PRDX3: variants seen among roughly 807,000 people sequenced by gnomAD.
The protein encoded by PRDX3 is thioredoxin-dependent peroxide reductase, mitochondrial.
Under a neutral mutation model 30.4 loss-of-function variants are expected in PRDX3, and 20 were observed. The observed-to-expected ratio is 0.66, with a 90% CI of 0.46 to 0.96. The LOEUF is 0.96. Among genes scored for constraint, PRDX3 ranks in the 40% least tolerant of loss-of-function variants. The probability of loss-of-function intolerance (pLI) is 0.00; values close to 1 mark genes in which losing one functional copy is unlikely to be tolerated. For synonymous variants in PRDX3, 124 were observed against 117.8 expected (o/e 1.05, Z -0.34); for missense variants, 322 against 318.3 (o/e 1.01, Z -0.09).
rs1402951019 is a variant in PRDX3, at chr10:119,169,283, G to A, written c.611C>T (p.Pro204Leu). ...VIKHLSVNDL[P>L]VGRSVEETLR... ...GGTTTCTTCCACGCTTCGGCCCACT[G>A]GGAGATCGTTGACGCTCAAATGCTT... Residue 204 changes from proline (P) to leucine (L), a missense_variant, in exon 6 of 7, where the codon CCA becomes CTA. By Grantham distance (98) the Pro-to-Leu change is moderately conservative. Transcript: ENST00000298510. 4 of 1,614,048 alleles carry A rather than the reference G, an allele frequency of 2.5e-6. No homozygotes were observed. The highest frequency in any genetic ancestry group is 3.4e-6 in the Non-Finnish European group (4 of 1,180,008).
At chr10:119,172,652 G>A (rs759155870) in intron 4 of PRDX3, among the ~76,000 whole-genome samples, 167 bp from the exon 5 acceptor site, 15 of 152,154 alleles carry the variant, frequency 9.9e-5, no homozygotes, top group Non-Finnish European at 1.8e-4. Flanking sequence ...AACCACCCTG[G>A]AGAAGACACT....
At chr10:119,169,119 A>G in intron 6 of PRDX3, 58 bp downstream of exon 6, 2 of 1,575,614 alleles carry the variant, frequency 1.3e-6, no homozygotes, top group South Asian at 2.3e-5. Flanking sequence ...ATTTCAGGTC[A>G]ATAGCTCTCG....
At chr10:119,175,192 G>C (rs758580667) in intron 2 of PRDX3, among the ~76,000 whole-genome samples, 4 of 152,224 alleles carry the variant, frequency 2.6e-5, no homozygotes, top group Non-Finnish European at 5.9e-5. Flanking sequence ...TTCAGATTTT[G>C]TCAAGTCTAG....
intron 4 of PRDX3, among the ~76,000 whole-genome samples, 155 bp from the exon 5 acceptor site, chr10:119,172,640 G>A (rs571547097): frequency 6.6e-5 from 10 of 152,250 alleles, no homozygotes; most frequent in Admixed American, 5.9e-4. Flanking sequence ...CTGCCTCCTC[G>A]AAACCACCCT....
At chr10:119,169,516 T>C in intron 5 of PRDX3, 174 bp from the exon 6 acceptor site, 1 of 570,606 alleles carries the variant, frequency 1.8e-6, no homozygotes, top group South Asian at 2.3e-5. Context: ...CTCTTACTGA[T>C]GACAGATGCT....
intron 2 of PRDX3, among the ~76,000 whole-genome samples, chr10:119,175,635 T>G (rs1398678540): frequency 6.6e-6 from 1 of 152,048 alleles, no homozygotes; most frequent in Non-Finnish European, 1.5e-5. Context: ...GACCTCGTGA[T>G]CTGCCAGCCT....
intron 1 of PRDX3, 146 bp from the exon 2 acceptor site, chr10:119,177,299 G>T: frequency 1.3e-6 from 1 of 754,960 alleles, no homozygotes; most frequent in South Asian, 1.7e-5. Flanking sequence ...GATTGGATCT[G>T]CATGTTCTTA....
chr10:119,168,278 A>T lies in PRDX3; in HGVS notation c.*202T>A. The T allele has an allele frequency of 1.8e-6, 2 of 1,096,674 alleles. No homozygotes were observed. The highest frequency in any genetic ancestry group is 2.5e-6 in the Non-Finnish European group (2 of 805,448). The allele number at this position is 1,096,674 out of a possible 1,614,324, so 67.9% of individuals were successfully genotyped here. On this transcript the variant is annotated 3_prime_UTR_variant, in exon 7 of 7. Transcript: ENST00000298510. ...AGCCAGCCACCAAGATGTTACCAAT[A>T]AAGGATTCCTTGTACTAGCAACTAA...
intron 2 of PRDX3, 41 bp downstream of exon 2, chr10:119,176,980 T>C: frequency 3.1e-6 from 5 of 1,612,452 alleles, no homozygotes; most frequent in African/African-American, 2.7e-5. Flanking sequence ...GGTTCATTTT[T>C]CCTTTACCTG....
chr10:119,176,570 AG>A (rs1416785785), intron 2 of PRDX3, among the ~76,000 whole-genome samples: 4 of 152,232 alleles, frequency 2.6e-5, no homozygotes, highest in African/African-American at 9.6e-5. Context: ...AATTTCGCTC[AG>A]ATTACAGATA....
At chr10:119,172,359 G>A (rs1847924828) in intron 5 of PRDX3, 23 bp downstream of exon 5, 1 of 1,544,998 alleles carries the variant, frequency 6.5e-7, no homozygotes, top group Non-Finnish European at 9.0e-7. Flanking sequence ...ATAATCTTAA[G>A]TTCATCAGAA....
chr10:119,171,243 T>C (rs926130865), intron 5 of PRDX3, among the ~76,000 whole-genome samples: 2 of 152,072 alleles, frequency 1.3e-5, no homozygotes, highest in Admixed American at 1.3e-4. Flanking sequence ...GGTTTCACCA[T>C]GTTGACCAGG....
intron 5 of PRDX3, chr10:119,170,101 C>T (rs1429623007): frequency 6.6e-6 from 1 of 152,304 alleles, no homozygotes; most frequent in East Asian, 1.9e-4. Context: ...CTCAACTGAT[C>T]CTCCCACCTC....
At chr10:119,174,768 G>C (rs975680881) in intron 2 of PRDX3, 176 bp from the exon 3 acceptor site, 4 of 554,060 alleles carry the variant, frequency 7.2e-6, no homozygotes, top group Non-Finnish European at 9.0e-6. Flanking sequence ...GGGGGGATTG[G>C]TTCTAGGATA....
intron 4 of PRDX3, 98 bp downstream of exon 4, chr10:119,173,639 T>A: frequency 7.3e-7 from 1 of 1,368,348 alleles, no homozygotes; most frequent in African/African-American, 1.5e-5. Flanking sequence ...AACCCAACCC[T>A]TGCGTAATTT....
chr10:119,174,686 A>G (rs1847986546), intron 2 of PRDX3, 94 bp from the exon 3 acceptor site: 1 of 1,255,868 alleles, frequency 8.0e-7, no homozygotes, highest in Non-Finnish European at 1.1e-6. Flanking sequence ...TTAGTAGTAT[A>G]AAGTGCTTAG....
At chr10:119,176,578 G>A (rs1461482436) in intron 2 of PRDX3, among the ~76,000 whole-genome samples, 2 of 152,168 alleles carry the variant, frequency 1.3e-5, no homozygotes, top group Non-Finnish European at 2.9e-5. Flanking sequence ...TCAGATTACA[G>A]ATACCATTAG....
chr10:119,177,027 T>G lies in PRDX3; in HGVS notation c.163A>C (p.Ser55Arg), dbSNP rs34698541. The G allele has an allele frequency of 6.8e-4, 1,103 of 1,614,124 alleles. 5 individuals are homozygous for G. The African/African-American group carries it at 0.012, about 18-fold the overall frequency. Reference sequence around the variant, plus strand: ...GACATGACATAACACTTACTGGTGCTGAATAATTTTGCTTGACTGGAACCA... The same window carrying G: ...GACATGACATAACACTTACTGGTGCGGAATAATTTTGCTTGACTGGAACCA... ...CSGSSQAKLF[S>R]TSSSCHAPAV... Residue 55 changes from serine to arginine, a missense_variant, in exon 2 of 7, where the codon AGC becomes CGC. Coordinates refer to ENST00000298510, the MANE Select transcript of PRDX3 (RefSeq NM_006793.5).
At chr10:119,178,662 C>T in intron 1 of PRDX3, 93 bp downstream of exon 1, 1 of 1,433,528 alleles carries the variant, frequency 7.0e-7, no homozygotes, top group Non-Finnish European at 9.6e-7. Flanking sequence ...GGGCGAATGG[C>T]CCTCATGCCC....
Sources: gnomAD v4.1 joint callset for allele counts (sites outside exome capture counted in the v4.1 genomes callset) on GRCh38, gnomAD v4.1.1 for gene constraint, MANE v1.5 for transcripts, NCBI Gene and HGNC (gene_info 2026-07-23, HGNC 2026-07-21) for gene names.